COL22A1: variants seen among roughly 807,000 people sequenced by gnomAD.
COL22A1 encodes collagen alpha-1(XXII) chain.
Under a neutral mutation model 248.9 loss-of-function variants are expected in COL22A1, and 221 were observed. The observed-to-expected ratio is 0.89, with a 90% CI of 0.80 to 0.99. The LOEUF is 0.99. COL22A1 is among the 50% of genes least tolerant of loss of function. The pLI, the probability that COL22A1 is intolerant of heterozygous loss-of-function variation, is 0.00. For missense variants in COL22A1, 2,240 were observed against 2,179.0 expected (o/e 1.03, Z -0.56); for synonymous variants, 891 against 793.4 (o/e 1.12, Z -2.07).
chr8:138,749,532 C>G (rs577205239), intron 22 of COL22A1, among the ~76,000 whole-genome samples: 1 of 152,202 alleles, frequency 6.6e-6, no homozygotes, highest in South Asian at 2.1e-4. Flanking sequence ...GGAGCATGTG[C>G]GGGAGCATGT....
At chr8:138,774,385 A>G (rs930790767) in intron 16 of COL22A1, among the ~76,000 whole-genome samples, 1 of 150,172 alleles carries the variant, frequency 6.7e-6, no homozygotes, top group Non-Finnish European at 1.5e-5. Context: ...AAATAAAGCT[A>G]TAAGTTTTAA....
In COL22A1 at chr8:138,636,757, C is replaced by G. The variant is rs146442088; in HGVS notation, c.3540G>C (p.Gly1180=). The change falls in exon 48 of 65, where the codon GGG becomes GGC. Residue 1180 remains glycine, a synonymous_variant. Transcript: ENST00000303045. Reference sequence around the variant, plus strand: ...AAATTTTTACCTGATCACCTTTCTGCCCAACCTCACCATCTGCACCACGTT... The same window carrying G: ...AAATTTTTACCTGATCACCTTTCTGGCCAACCTCACCATCTGCACCACGTT... ...QGERGADGEV[G]QKGDQGHPGV... 2 of 1,613,324 alleles carry G rather than the reference C, an allele frequency of 1.2e-6. No individual in the cohort carries two copies. The highest frequency in any genetic ancestry group is 4.5e-5 in the East Asian group (2 of 44,852).
At chr8:138,699,972 C>T in intron 32 of COL22A1, 140 bp downstream of exon 32, 2 of 792,188 alleles carry the variant, frequency 2.5e-6, no homozygotes, top group Middle Eastern at 3.1e-4. Context: ...CAGGACAAGC[C>T]CAGCAGCCCA....
chr8:138,739,420 A>C (rs534951829), intron 22 of COL22A1, among the ~76,000 whole-genome samples: 2 of 152,250 alleles, frequency 1.3e-5, no homozygotes, highest in South Asian at 4.2e-4. Context: ...CCTTTAACTG[A>C]ATGTCTTCTT....
Position 138,594,154 on chromosome 8 carries a change from T to G in COL22A1, c.4478A>C (p.Lys1493Thr). Reference protein sequence around the residue: ...LLAQMPPAYMKSSQGRPGPPG... With the variant: ...LLAQMPPAYMTSSQGRPGPPG... Reference sequence around the variant, plus strand: ...GGGCCCAGGTCTGCCTTGAGATGACTTCATGTACGCCGGGGGCATCTGGGC... The same window carrying G: ...GGGCCCAGGTCTGCCTTGAGATGACGTCATGTACGCCGGGGGCATCTGGGC... Residue 1493 changes from lysine (K) to threonine (T), a missense_variant, in exon 63 of 65, where the codon AAG becomes ACG. Physicochemically the swap from Lys to Thr is moderately conservative, Grantham distance 78. Transcript: ENST00000303045. 1 of 1,576,496 alleles carries G rather than the reference T, an allele frequency of 6.3e-7. No homozygotes were observed. Among genetic ancestry groups the G allele is most frequent in the African/African-American group, 1.4e-5 (1 of 71,562 alleles).
intron 3 of COL22A1, among the ~76,000 whole-genome samples, chr8:138,853,811 C>G (rs752799392): frequency 9.2e-5 from 14 of 152,174 alleles, no homozygotes; most frequent in Admixed American, 5.9e-4. Flanking sequence ...GAAGGGAAGA[C>G]GAACACTTAC....
At chr8:138,639,332 C>T (rs143852571) in intron 47 of COL22A1, among the ~76,000 whole-genome samples, 7 of 152,238 alleles carry the variant, frequency 4.6e-5, no homozygotes, top group East Asian at 1.9e-4. Flanking sequence ...ATTACTTTTC[C>T]GGCTATTTTC....
At chr8:138,911,670 T>C (rs1815458888) in intron 1 of COL22A1, among the ~76,000 whole-genome samples, 1 of 152,252 alleles carries the variant, frequency 6.6e-6, no homozygotes, top group Non-Finnish European at 1.5e-5. Context: ...CATTTTATGT[T>C]GGCAATAACT....
At chr8:138,623,922 C>T (rs529027724) in intron 51 of COL22A1, 137 bp from the exon 52 acceptor site, 25 of 665,976 alleles carry the variant, frequency 3.8e-5, no homozygotes, top group Middle Eastern at 4.1e-4. Flanking sequence ...AGTGTCTCAA[C>T]GGACAGAATT....
intron 1 of COL22A1, among the ~76,000 whole-genome samples, chr8:138,911,652 C>A (rs1320125360): frequency 6.6e-6 from 1 of 152,212 alleles, no homozygotes; most frequent in Admixed American, 6.5e-5. Context: ...AACATGAAAT[C>A]TCCTGATCAT....
At chr8:138,744,736 G>C (rs1831969799) in intron 22 of COL22A1, among the ~76,000 whole-genome samples, 1 of 152,244 alleles carries the variant, frequency 6.6e-6, no homozygotes, top group East Asian at 1.9e-4. Flanking sequence ...CCCTAGGGAA[G>C]TGCCTGCTAT....
intron 3 of COL22A1, among the ~76,000 whole-genome samples, chr8:138,871,960 C>T (rs927382638): frequency 6.6e-6 from 1 of 152,174 alleles, no homozygotes; most frequent in Non-Finnish European, 1.5e-5. Context: ...AGTACACCTA[C>T]CAGACTAATC....
chr8:138,811,420 A>G (rs1406273982), intron 9 of COL22A1, among the ~76,000 whole-genome samples: 1 of 152,090 alleles, frequency 6.6e-6, no homozygotes, highest in Non-Finnish European at 1.5e-5. Context: ...CAAAGAAAAC[A>G]TTGAGAAGAA....
intron 7 of COL22A1, 151 bp from the exon 8 acceptor site, chr8:138,813,170 T>C: frequency 6.2e-6 from 4 of 642,596 alleles, no homozygotes; most frequent in Admixed American, 2.3e-5. Context: ...TATCCTGGGC[T>C]CCACTCTGGA....
chr8:138,839,209 T>C (rs749299107), intron 4 of COL22A1, among the ~76,000 whole-genome samples: 1 of 152,142 alleles, frequency 6.6e-6, no homozygotes, highest in Non-Finnish European at 1.5e-5. Context: ...CATGACCCAC[T>C]ATAAAGGGCC....
intron 40 of COL22A1, among the ~76,000 whole-genome samples, chr8:138,678,077 T>C (rs1825699235): frequency 6.6e-6 from 1 of 152,234 alleles, no homozygotes; most frequent in African/African-American, 2.4e-5. Flanking sequence ...TTGCCTTTCC[T>C]ATAGTACAAC....
intron 11 of COL22A1, among the ~76,000 whole-genome samples, chr8:138,800,283 C>T (rs77740461): frequency 0.032 from 4,892 of 152,258 alleles, 106 homozygotes; most frequent in Non-Finnish European, 0.048. Flanking sequence ...TGAGGTTGCA[C>T]CTCCACCCTG....
intron 41 of COL22A1, among the ~76,000 whole-genome samples, chr8:138,667,640 T>C (rs1406427800): frequency 6.6e-6 from 1 of 152,202 alleles, no homozygotes; most frequent in Non-Finnish European, 1.5e-5. Flanking sequence ...GCCTTCCATA[T>C]GTCTTGTACC....
At chr8:138,818,278 C>A (rs1450246285) in intron 7 of COL22A1, among the ~76,000 whole-genome samples, 1 of 152,134 alleles carries the variant, frequency 6.6e-6, no homozygotes, top group Admixed American at 6.5e-5. Context: ...GAGCCAGAGT[C>A]CTAGCCTGGC....
Sources: allele counts gnomAD v4.1 joint callset (sites outside exome capture counted in the v4.1 genomes callset), GRCh38; gene constraint gnomAD v4.1.1; transcripts MANE v1.5; gene names NCBI Gene and HGNC (gene_info 2026-07-23, HGNC 2026-07-21).